The following MAST4 variants were observed in gnomAD, a reference collection of about 807,000 sequenced individuals.
MAST4 encodes microtubule-associated serine/threonine-protein kinase 4.
MAST4 carries 89 observed loss-of-function variants against 162.7 expected under a neutral mutation model. The ratio of observed to expected loss-of-function variants is 0.55; its 90% confidence interval spans 0.46 to 0.65. The LOEUF (loss-of-function observed/expected upper bound fraction) is 0.65, where lower values mean the gene tolerates loss of function less well. Ranked by LOEUF, MAST4 falls within the 30% of genes least tolerant of loss-of-function variation. MAST4 has a pLI of 0.00. For synonymous variants in MAST4, 1,479 were observed against 1,361.1 expected (o/e 1.09, Z -1.91); for missense variants, 3,153 against 3,374.0 (o/e 0.93, Z 1.62).
At position 67,163,650 on chromosome 5, in the gene MAST4, G is replaced by A; in HGVS notation, c.4471G>A (p.Glu1491Lys). 1 of 1,608,208 alleles carries A rather than the reference G, an allele frequency of 6.2e-7. No individual in the cohort carries two copies. Among genetic ancestry groups the A allele is most frequent in the Non-Finnish European group, 8.5e-7 (1 of 1,177,932 alleles). The stretch of plus-strand genomic sequence containing the variant: ...GGAGGCGCCGCTGCAGAGCCTGGAT[G>A]AGAACGTGTGCGACGTGCCGCCGCT... ...QREAPLQSLD[E>K]NVCDVPPLSR... Residue 1491 changes from glutamate (E) to lysine (K), a missense_variant, in exon 29 of 29, where the codon GAG becomes AAG. Coordinates refer to ENST00000403625, the MANE Select transcript of MAST4 (RefSeq NM_001164664.2). The surrounding 1 kb of genome is among the most constrained non-coding windows in gnomAD (Gnocchi z 7.0).
At chr5:66,854,562 G>A (rs1039124984) in intron 3 of MAST4, among the ~76,000 whole-genome samples, 2 of 152,032 alleles carry the variant, frequency 1.3e-5, no homozygotes, top group Non-Finnish European at 2.9e-5. Flanking sequence ...TCTGCTCATA[G>A]GACGGCTCAT....
chr5:66,790,695 C>T (rs866059630), intron 3 of MAST4, among the ~76,000 whole-genome samples: 4 of 152,112 alleles, frequency 2.6e-5, no homozygotes, highest in Admixed American at 6.5e-5. Context: ...CAGGCACATA[C>T]TACTGTGCCT....
chr5:67,045,171 T>C (rs952846020), intron 4 of MAST4, among the ~76,000 whole-genome samples: 2 of 152,246 alleles, frequency 1.3e-5, no homozygotes, highest in African/African-American at 4.8e-5. Context: ...ACTAATCTTT[T>C]TTCTATGTTC....
At position 67,152,533 on chromosome 5, in the gene MAST4, T is replaced by C. The variant is rs1479403517; in HGVS notation, c.3296-104T>C. 5 of 829,130 alleles carry C rather than the reference T, an allele frequency of 6.0e-6. No homozygotes were observed. In the Admixed American group the frequency reaches 6.3e-5, roughly 10 times the overall value. The allele number at this position is 829,130 out of a possible 1,614,324, so 51.4% of individuals were successfully genotyped here. A position where few individuals can be genotyped will look rare whatever the true frequency, so the allele number is the denominator to read the frequency against. ...CTATTGGAAACAAATGGATTTGTGT[T>C]GTGACTATGCCCCCAGTCCTGGCAA... On this transcript the variant is annotated intron_variant, in intron 24 of 28. Transcript: ENST00000403625.
Position 66,759,751 on chromosome 5 carries a change from T to G in MAST4, c.406T>G (p.Cys136Gly). 1 of 1,613,988 alleles carries G rather than the reference T, an allele frequency of 6.2e-7. No homozygotes were observed. Among genetic ancestry groups the G allele is most frequent in the Non-Finnish European group, 8.5e-7 (1 of 1,179,856 alleles). ...CCCTCCACCCATGCCGTTTCGGAAA[T>G]GCAGCAACCCAGATGTGGCTTCTGG... Reference protein sequence around the residue: ...LSPPPMPFRKCSNPDVASGPG... With the variant: ...LSPPPMPFRKGSNPDVASGPG... Residue 136 changes from cysteine to glycine, a missense_variant, in exon 2 of 29, where the codon TGC becomes GGC. Cys to Gly is a radical substitution (Grantham distance 159). Coordinates refer to ENST00000403625, the MANE Select transcript of MAST4 (RefSeq NM_001164664.2).
intron 3 of MAST4, among the ~76,000 whole-genome samples, chr5:66,890,365 T>G (rs1390011613): frequency 6.6e-6 from 1 of 152,164 alleles, no homozygotes; most frequent in Non-Finnish European, 1.5e-5. Flanking sequence ...AAAGACAATA[T>G]GTGTACAAAT....
chr5:66,879,093 C>A (rs1761501535), intron 3 of MAST4, among the ~76,000 whole-genome samples: 1 of 152,142 alleles, frequency 6.6e-6, no homozygotes, highest in Non-Finnish European at 1.5e-5. Flanking sequence ...TCCTGGCCAA[C>A]ATGGTGAAAC....
At chr5:66,751,857 T>C (rs2149594913) in intron 1 of MAST4, among the ~76,000 whole-genome samples, 1 of 146,194 alleles carries the variant, frequency 6.8e-6, no homozygotes, top group African/African-American at 2.6e-5. Context: ...TTCACCAAAG[T>C]TGAAATGAAG....
chr5:67,007,472 C>G (rs974519989), intron 4 of MAST4, among the ~76,000 whole-genome samples: 1 of 152,218 alleles, frequency 6.6e-6, no homozygotes, highest in Admixed American at 6.5e-5. Context: ...TGCACACTTG[C>G]TGACTTGTGT....
chr5:67,123,808 C>G (rs1352677171), intron 14 of MAST4, among the ~76,000 whole-genome samples: 2 of 152,194 alleles, frequency 1.3e-5, no homozygotes, highest in African/African-American at 4.8e-5. Flanking sequence ...GCCTTTCCTT[C>G]TAATCTTGAT....
intron 4 of MAST4, among the ~76,000 whole-genome samples, chr5:66,907,160 AGAGAGAGAGAG>A (rs1561433676): frequency 8.6e-3 from 91 of 10,574 alleles, no homozygotes; most frequent in African/African-American, 0.014. Flanking sequence ...CAGCAAAGCG[AGAGAGAGAGAG>A]AGAGAGAGAG....
intron 1 of MAST4, among the ~76,000 whole-genome samples, chr5:66,598,968 G>T (rs958191798): frequency 6.6e-6 from 1 of 152,168 alleles, no homozygotes; most frequent in Non-Finnish European, 1.5e-5. Context: ...TTGGAAAGTG[G>T]AATGATTAAA....
Position 66,844,161 on chromosome 5 carries a change from G to A in MAST4, c.642+55367G>A, listed in dbSNP as rs1209326118. ...AGCCTGTGTGTGTGTGTGTGTGTGT[G>A]TGTGTGTGTGTGTGTGTGTGTGTGT... On this transcript the variant is annotated intron_variant, in intron 3 of 28. Transcript: ENST00000403625. Among the ~76,000 whole-genome samples the A allele has an allele frequency of 4.0e-4, 55 of 136,996 alleles. No individual in the cohort carries two copies. The Admixed American group carries it at 4.0e-3, about 10-fold the overall frequency. 89.9% of individuals were successfully genotyped at this position (136,996 alleles called of 152,430 possible).
chr5:66,714,570 C>T (rs1039496213), intron 1 of MAST4, among the ~76,000 whole-genome samples: 4 of 152,220 alleles, frequency 2.6e-5, no homozygotes, highest in African/African-American at 7.2e-5. Context: ...GTCCTGTGCT[C>T]ATACTTGGCG....
At chr5:66,796,522 G>GA (rs1344363861) in intron 3 of MAST4, among the ~76,000 whole-genome samples, 1 of 152,156 alleles carries the variant, frequency 6.6e-6, no homozygotes, top group Non-Finnish European at 1.5e-5. Context: ...GGTGTGCCTG[G>GA]AAAGACCAGT....
intron 1 of MAST4, among the ~76,000 whole-genome samples, chr5:66,617,432 A>C (rs1743766328): frequency 6.6e-6 from 1 of 152,032 alleles, no homozygotes; most frequent in Non-Finnish European, 1.5e-5. Flanking sequence ...TTTCAAAACC[A>C]GTGTTTTTTC....
intron 1 of MAST4, among the ~76,000 whole-genome samples, chr5:66,721,998 C>G (rs1751240677): frequency 6.6e-6 from 1 of 152,086 alleles, no homozygotes. Flanking sequence ...GCAACCATTT[C>G]TCATTGCAAG....
At position 66,612,227 on chromosome 5, in the gene MAST4, C is replaced by T. The variant is rs556498412; in HGVS notation, c.363+15209C>T. 2.0e-5 allele frequency among the ~76,000 whole-genome samples: 3 copies of T among 152,156 alleles called. No homozygotes were observed. In the South Asian group the frequency reaches 6.2e-4, roughly 32 times the overall value. ...TTTTTGCAGTGTTTCTTTTTCTTTC[C>T]CTTGCCTGTTCACTTGAACTTCTGA... On this transcript the variant is annotated intron_variant, in intron 1 of 28. Transcript: ENST00000403625.
intron 1 of MAST4, among the ~76,000 whole-genome samples, chr5:66,651,971 C>T (rs1746251777): frequency 2.0e-5 from 3 of 152,144 alleles, no homozygotes; most frequent in African/African-American, 7.2e-5. Flanking sequence ...AAGTGATAGT[C>T]TATAATTTTG....
Sources: gnomAD v4.1 joint callset for allele counts (sites outside exome capture counted in the v4.1 genomes callset) on GRCh38, gnomAD v4.1.1 for gene constraint, Gnocchi (gnomAD v3.1) non-coding constraint, MANE v1.5 for transcripts, NCBI Gene and HGNC (gene_info 2026-07-23, HGNC 2026-07-21) for gene names.